ZNF565: variants seen among roughly 807,000 people sequenced by gnomAD.
ZNF565 encodes zinc finger protein 565.
A neutral mutation model predicts 39.4 loss-of-function variants in ZNF565; 27 were observed. The observed-to-expected ratio is 0.69, with a 90% CI of 0.51 to 0.95. ZNF565 has a LOEUF of 0.95. Among genes scored for constraint, ZNF565 ranks in the 40% least tolerant of loss-of-function variants. The pLI, the probability that ZNF565 is intolerant of heterozygous loss-of-function variation, is 0.00. For missense variants in ZNF565, 524 were observed against 621.1 expected (o/e 0.84, Z 1.66); for synonymous variants, 185 against 216.6 (o/e 0.85, Z 1.28).
intron 1 of ZNF565, among the ~76,000 whole-genome samples, chr19:36,224,445 A>T (rs1568431347): frequency 6.6e-6 from 1 of 152,152 alleles, no homozygotes. Context: ...TTATATACTA[A>T]ATTCTCACAT....
At chr19:36,194,138 T>C (rs1975672077) in intron 4 of ZNF565, 95 bp downstream of exon 4, 2 of 975,654 alleles carry the variant, frequency 2.0e-6, no homozygotes, top group Non-Finnish European at 3.0e-6. Flanking sequence ...TCTTCCACAG[T>C]AGGGCTTTGA....
intron 2 of ZNF565, 83 bp from the exon 3 acceptor site, chr19:36,195,239 C>T: frequency 6.5e-7 from 1 of 1,530,978 alleles, no homozygotes; most frequent in African/African-American, 1.4e-5. Flanking sequence ...CACAAAAGTA[C>T]AGAGAATAGT....
intron 4 of ZNF565, among the ~76,000 whole-genome samples, chr19:36,185,339 G>A (rs182866796): frequency 1.3e-5 from 2 of 150,438 alleles, no homozygotes; most frequent in South Asian, 2.1e-4. Context: ...ACTTGAATCC[G>A]GGAGGCAGAG....
At chr19:36,235,298 T>C (rs1977605573) in intron 1 of ZNF565, among the ~76,000 whole-genome samples, 2 of 152,290 alleles carry the variant, frequency 1.3e-5, no homozygotes, top group Middle Eastern at 3.4e-3. Flanking sequence ...TTTCTTCTAT[T>C]TGGCAATTCT....
At chr19:36,207,716 C>A (rs1311677421) in intron 1 of ZNF565, among the ~76,000 whole-genome samples, 1 of 152,130 alleles carries the variant, frequency 6.6e-6, no homozygotes. Flanking sequence ...TTAGGTAGGG[C>A]CATGCACTGC....
In ZNF565 at chr19:36,183,614, C is replaced by T. The variant is rs1351530883; in HGVS notation, c.352G>A (p.Asp118Asn). Residue 118 changes from aspartate (D) to asparagine (N), a missense_variant, in exon 5 of 5, where the codon GAC (aspartate) becomes AAC (asparagine). By Grantham distance (23) the Asp-to-Asn change is conservative. Coordinates refer to ENST00000304116, the MANE Select transcript of ZNF565 (RefSeq NM_152477.5). ...TCAAACTGGCCTTCGCATTCCCAGT[C>T]AGCTCTAAAATCGGAGCCCTCCAGG... ...SDLEGSDFRADWECEGQFERQ... is the reference protein window; with the variant it reads ...SDLEGSDFRANWECEGQFERQ... The T allele has an allele frequency of 1.2e-6, 2 of 1,614,082 alleles. No homozygotes were observed. Among genetic ancestry groups the T allele is most frequent in the African/African-American group, 1.3e-5 (1 of 74,928 alleles).
chr19:36,238,084 A>G (rs1384877821), intron 1 of ZNF565: 2 of 167,108 alleles, frequency 1.2e-5, no homozygotes, highest in African/African-American at 4.8e-5. Context: ...AAAATTAGAA[A>G]CAACTGAGAA....
intron 4 of ZNF565, among the ~76,000 whole-genome samples, chr19:36,191,351 T>A (rs1330233444): frequency 1.4e-5 from 2 of 144,784 alleles, no homozygotes; most frequent in Non-Finnish European, 3.0e-5. Flanking sequence ...GGAGTCTCAC[T>A]CCTGTTGCCC....
upstream of ZNF565, among the ~76,000 whole-genome samples, chr19:36,217,959 A>G (rs1315988765): frequency 1.3e-5 from 2 of 151,846 alleles, no homozygotes; most frequent in Non-Finnish European, 2.9e-5. Flanking sequence ...GTACTGGAAT[A>G]GACAGGGCAA....
chr19:36,221,284 CTTT>C (rs74172797), intron 1 of ZNF565, among the ~76,000 whole-genome samples: 15 of 98,692 alleles, frequency 1.5e-4, no homozygotes, highest in African/African-American at 5.5e-4. Flanking sequence ...TAAGGGACTG[CTTT>C]TTTTTTTTTT....
chr19:36,193,116 C>G (rs1397524747), intron 4 of ZNF565, among the ~76,000 whole-genome samples: 4 of 151,988 alleles, frequency 2.6e-5, no homozygotes, highest in African/African-American at 7.2e-5. Context: ...CTGCCTCAGC[C>G]TCCTGAGTAG....
chr19:36,236,318 T>C, intron 1 of ZNF565: 1 of 1,176,366 alleles, frequency 8.5e-7, no homozygotes, highest in South Asian at 1.6e-5. Flanking sequence ...TGGGAGATCA[T>C]ACACAGAGAA....
intron 1 of ZNF565, chr19:36,235,515 T>G (rs1977614145): frequency 6.6e-6 from 1 of 152,190 alleles, no homozygotes; most frequent in Non-Finnish European, 1.5e-5. Context: ...TCAAAAAATT[T>G]TATTGCTAGT....
chr19:36,236,468 T>A (rs771140671), intron 1 of ZNF565: 4 of 1,609,632 alleles, frequency 2.5e-6, no homozygotes, highest in African/African-American at 2.7e-5. Context: ...GCAGAGAATT[T>A]ACAGTGGGGA....
At chr19:36,184,343 G>C (rs997294835) in intron 4 of ZNF565, among the ~76,000 whole-genome samples, 1 of 151,660 alleles carries the variant, frequency 6.6e-6, no homozygotes, top group Non-Finnish European at 1.5e-5. Context: ...CTTGGCTCAC[G>C]CAACCTCCGC....
At chr19:36,213,371 G>T (rs535352437) in intron 1 of ZNF565, 14 of 148,562 alleles carry the variant, frequency 9.4e-5, no homozygotes, top group Admixed American at 8.7e-4. Context: ...ACCACACTCA[G>T]ATAATTTTTA....
At chr19:36,228,174 A>AAAAGAAAG (rs371256255) in intron 1 of ZNF565, among the ~76,000 whole-genome samples, 9 of 144,222 alleles carry the variant, frequency 6.2e-5, no homozygotes, top group African/African-American at 2.1e-4. Flanking sequence ...AAAAAAAAAA[A>AAAAGAAAG]AAAGAAAGAA....
chr19:36,227,403 A>G (rs939207907), intron 1 of ZNF565, among the ~76,000 whole-genome samples: 13 of 151,254 alleles, frequency 8.6e-5, no homozygotes, highest in African/African-American at 3.2e-4. Context: ...AAAAAAAAAA[A>G]AGATTTTTTT....
chr19:36,189,036 G>A (rs1166143906), intron 4 of ZNF565, among the ~76,000 whole-genome samples: 2 of 152,110 alleles, frequency 1.3e-5, no homozygotes, highest in Non-Finnish European at 2.9e-5. Context: ...GGAAAATAGA[G>A]TTATTGTTTA....
Sources: allele counts gnomAD v4.1 joint callset (sites outside exome capture counted in the v4.1 genomes callset), GRCh38; gene constraint gnomAD v4.1.1; transcripts MANE v1.5; gene names NCBI Gene and HGNC (gene_info 2026-07-23, HGNC 2026-07-21).